The following MED26 variants were observed in gnomAD, a reference collection of about 807,000 sequenced individuals.
MED26 encodes the protein mediator complex subunit 26.
Under a neutral mutation model 43.7 loss-of-function variants are expected in MED26, and 7 were observed. The observed-to-expected ratio is 0.16, with a 90% confidence interval of 0.09 to 0.30. The LOEUF is 0.30. Among genes scored for constraint, MED26 ranks in the 10% least tolerant of loss-of-function variants. The pLI is 1.00. For missense variants in MED26, 784 were observed against 840.6 expected (o/e 0.93, Z 0.83); for synonymous variants, 375 against 371.1 (o/e 1.01, Z -0.12).
intron 1 of MED26, among the ~76,000 whole-genome samples, chr19:16,606,862 C>T (rs2086175843): frequency 2.6e-5 from 4 of 152,214 alleles, no homozygotes; most frequent in Admixed American, 1.3e-4. Flanking sequence ...CTGGGATGCA[C>T]AATGCAACTG....
chr19:16,593,724 A>G (rs2086108321), intron 1 of MED26, among the ~76,000 whole-genome samples: 1 of 151,980 alleles, frequency 6.6e-6, no homozygotes, highest in South Asian at 2.1e-4. Flanking sequence ...ATGAGAACAC[A>G]GTGACTCTTG....
intron 1 of MED26, among the ~76,000 whole-genome samples, chr19:16,618,189 G>A (rs2086234442): frequency 6.6e-6 from 1 of 152,144 alleles, no homozygotes; most frequent in African/African-American, 2.4e-5. Flanking sequence ...CACAAATTCA[G>A]AGAAGCTACA....
At chr19:16,605,208 A>AC (rs2086167149) in intron 1 of MED26, among the ~76,000 whole-genome samples, 1 of 152,238 alleles carries the variant, frequency 6.6e-6, no homozygotes, top group African/African-American at 2.4e-5. Context: ...TTAATGAGGG[A>AC]CTTCCACTGC....
chr19:16,623,162 G>A (rs960136768), intron 1 of MED26, among the ~76,000 whole-genome samples: 2 of 152,078 alleles, frequency 1.3e-5, no homozygotes, highest in Non-Finnish European at 2.9e-5. Flanking sequence ...ACTTTCTCCT[G>A]AGGGACAGAA....
chr19:16,577,350 C>T lies in MED26; in HGVS notation c.480G>A (p.Gly160=), dbSNP rs548718062. Residue 160 remains glycine, a synonymous_variant, in exon 3 of 3, where the codon GGG becomes GGA. Coordinates refer to ENST00000263390, the MANE Select transcript of MED26 (RefSeq NM_004831.5). This position sits in a 1 kb window ranked among gnomAD's most constrained non-coding sequence, Gnocchi z 8.1. ...TAGCTTTGGAGACCTTGGGTGGCGG[C>T]CCTGGGTGGCCGAGGTCACGCTGGT... ...RGDQRDLGHP[G]PPPKVSKASH... 15 of 1,611,686 alleles carry T rather than the reference C, an allele frequency of 9.3e-6. No homozygotes were observed. The East Asian group carries it at 3.1e-4, about 34-fold the overall frequency.
intron 1 of MED26, among the ~76,000 whole-genome samples, chr19:16,618,588 T>C (rs1448026813): frequency 2.6e-5 from 4 of 152,164 alleles, no homozygotes; most frequent in East Asian, 1.9e-4. Flanking sequence ...CCCATTTTTT[T>C]CCCCAAAAAC....
chr19:16,605,738 C>T (rs1378612821), intron 1 of MED26, among the ~76,000 whole-genome samples: 1 of 152,042 alleles, frequency 6.6e-6, no homozygotes, highest in Admixed American at 6.6e-5. Flanking sequence ...AGGAGGCAGG[C>T]GGGAGATGCT....
intron 1 of MED26, among the ~76,000 whole-genome samples, chr19:16,603,964 C>T (rs113529188): frequency 4.6e-5 from 7 of 152,320 alleles, no homozygotes; most frequent in African/African-American, 1.7e-4. Flanking sequence ...GTGAAAACTA[C>T]CACCCAGCAC....
chr19:16,598,905 TAAAAC>T (rs1486208315), intron 1 of MED26, among the ~76,000 whole-genome samples: 3 of 151,632 alleles, frequency 2.0e-5, no homozygotes, highest in Non-Finnish European at 4.4e-5. Context: ...CTACAATAAA[TAAAAC>T]AAAAGTAATA....
intron 1 of MED26, among the ~76,000 whole-genome samples, chr19:16,605,611 G>A (rs2086168926): frequency 6.6e-6 from 1 of 152,210 alleles, no homozygotes; most frequent in Admixed American, 6.5e-5. Context: ...GGCACAGGGC[G>A]CCCTGCCAGG....
intron 1 of MED26, among the ~76,000 whole-genome samples, chr19:16,604,671 G>GT (rs2086164356): frequency 6.6e-6 from 1 of 152,158 alleles, no homozygotes; most frequent in South Asian, 2.1e-4. Context: ...CTTAGGCCAG[G>GT]TTTGCTGGGT....
At chr19:16,611,540 A>G (rs867776931) in intron 1 of MED26, 1 of 152,094 alleles carries the variant, frequency 6.6e-6, no homozygotes, top group Non-Finnish European at 1.5e-5. Context: ...ATTTTTTTAC[A>G]GTTTAATTGA....
intron 1 of MED26, among the ~76,000 whole-genome samples, chr19:16,602,775 C>G (rs1293832742): frequency 6.6e-6 from 1 of 152,154 alleles, no homozygotes; most frequent in Non-Finnish European, 1.5e-5. Flanking sequence ...CACTCATACT[C>G]AGTAGACAAA....
rs200593026 is a variant in MED26 at position 16,577,351 on chromosome 19, C to A, written c.479G>T (p.Gly160Val). 10 of 1,611,556 alleles carry A rather than the reference C, an allele frequency of 6.2e-6. No individual in the cohort carries two copies. In the African/African-American group the frequency reaches 1.2e-4, roughly 19 times the overall value. The change falls in exon 3 of 3, where the codon GGG becomes GTG. Residue 160 changes from glycine (G) to valine (V), a missense_variant. Physicochemically the swap from Gly to Val is moderately radical, Grantham distance 109. Around this residue, in one of 3 missense-constraint regions of MED26, gnomAD observed 719 missense variants for 730.9 expected, o/e 0.98. Transcript: ENST00000263390. This position sits in a 1 kb window ranked among gnomAD's most constrained non-coding sequence, Gnocchi z 8.1. ...AGCTTTGGAGACCTTGGGTGGCGGC[C>A]CTGGGTGGCCGAGGTCACGCTGGTC... is the stretch of plus-strand genomic sequence containing the variant. ...RGDQRDLGHP[G>V]PPPKVSKASH...
chr19:16,584,401 G>GCC (rs2086061586), intron 1 of MED26, among the ~76,000 whole-genome samples: 2 of 152,048 alleles, frequency 1.3e-5, no homozygotes, highest in South Asian at 4.1e-4. Flanking sequence ...CCTGTGCTAA[G>GCC]CCACAATTCC....
Position 16,601,516 on chromosome 19 carries a change from C to T in MED26, c.73-23107G>A, listed in dbSNP as rs116782988. ...CTCACAGCAACACACAGATAAAGCACGCCTGTGGCCTTGAAGGTGCTCCTG... is the reference window on the plus strand; with the variant it reads ...CTCACAGCAACACACAGATAAAGCATGCCTGTGGCCTTGAAGGTGCTCCTG... On this transcript the variant is annotated intron_variant, in intron 1 of 2. Transcript: ENST00000263390. Among the ~76,000 whole-genome samples, 647 of 152,330 alleles carry T rather than the reference C, an allele frequency of 4.2e-3. 1 individual carries two copies. The highest frequency in any genetic ancestry group is 0.014 in the African/African-American group (593 of 41,574).
At chr19:16,626,520 A>G (rs1422842956) in intron 1 of MED26, among the ~76,000 whole-genome samples, 1 of 152,228 alleles carries the variant, frequency 6.6e-6, no homozygotes, top group Admixed American at 6.5e-5. Flanking sequence ...TACCAGGGAT[A>G]AGAGAAGTAC....
chr19:16,577,126 A>G lies in MED26; in HGVS notation c.704T>C (p.Leu235Pro). Residue 235 changes from leucine to proline, a missense_variant, in exon 3 of 3, where the codon CTG becomes CCG. Leu to Pro is a moderately conservative substitution (Grantham distance 98). Coordinates refer to ENST00000263390, the MANE Select transcript of MED26 (RefSeq NM_004831.5). The surrounding 1 kb of genome is among the most constrained non-coding windows in gnomAD (Gnocchi z 8.1). ...CAAGCAGGGTCCAGGGGGCTTGCCC[A>G]GGCCCGGGGAGCTGGTGTGCGGTCG... ...AVRPHTSSPG[L>P]GKPPGPCLQP... The G allele has an allele frequency of 6.2e-7, 1 of 1,613,182 alleles. No individual in the cohort carries two copies. Among genetic ancestry groups the G allele is most frequent in the Non-Finnish European group, 8.5e-7 (1 of 1,179,850 alleles).
At chr19:16,626,968 G>A (rs1367108691) in intron 1 of MED26, among the ~76,000 whole-genome samples, 1 of 141,396 alleles carries the variant, frequency 7.1e-6, no homozygotes, top group African/African-American at 2.6e-5. Context: ...GAAGGGGAGG[G>A]GGCGGTCCCT....
Sources: gnomAD v4.1 joint callset for allele counts (sites outside exome capture counted in the v4.1 genomes callset) on GRCh38, gnomAD v4.1.1 for gene constraint, gnomAD v4.1.1 regional missense constraint, Gnocchi (gnomAD v3.1) non-coding constraint, MANE v1.5 for transcripts, NCBI Gene and HGNC (gene_info 2026-07-23, HGNC 2026-07-21) for gene names.